Variants in TBXAS1 observed in about 807,000 individuals in gnomAD.
The protein encoded by TBXAS1 is thromboxane A synthase 1.
Under a neutral mutation model 60.7 loss-of-function variants are expected in TBXAS1, and 48 were observed. The ratio of observed to expected loss-of-function variants is 0.79; its 90% CI spans 0.63 to 1.01. The LOEUF (loss-of-function observed/expected upper bound fraction) is 1.01. Among genes scored for constraint, TBXAS1 ranks in the 50% least tolerant of loss-of-function variants. The pLI is 0.00. For missense variants in TBXAS1, 685 were observed against 686.3 expected (o/e 1.00, Z 0.02); for synonymous variants, 287 against 269.7 (o/e 1.06, Z -0.63).
At chr7:139,831,175 G>C (rs1358316178) in intron 1 of TBXAS1, among the ~76,000 whole-genome samples, 2 of 152,148 alleles carry the variant, frequency 1.3e-5, no homozygotes, top group Non-Finnish European at 2.9e-5. Context: ...TCTGGAGAAG[G>C]TGCCCAAGGC....
At chr7:139,784,017 T>G (rs1014123718) in intron 3 of TBXAS1, among the ~76,000 whole-genome samples, 12 of 151,448 alleles carry the variant, frequency 7.9e-5, no homozygotes, top group Non-Finnish European at 1.3e-4. Context: ...TTTTGTTTTT[T>G]TTTTTTTTGT....
intron 1 of TBXAS1, among the ~76,000 whole-genome samples, chr7:139,865,731 A>AGAG (rs1279816583): frequency 2.5e-5 from 1 of 40,152 alleles, no homozygotes; most frequent in South Asian, 8.5e-4. Context: ...AGGAGGAGGA[A>AGAG]GAGGAGGAGG....
At position 140,016,140 on chromosome 7, in the gene TBXAS1, A is replaced by G. The variant is rs374672161; in HGVS notation, c.1364+280A>G. 7.2e-5 allele frequency among the ~76,000 whole-genome samples: 11 copies of G among 152,180 alleles called. No homozygotes were observed. The East Asian group carries it at 9.7e-4, about 13-fold the overall frequency. The stretch of plus-strand genomic sequence containing the variant: ...TCAGGAGATCGAGACCATCCTGGCT[A>G]ACACGGTGAAACCCCATCTCTACTA... On this transcript the variant is annotated intron_variant, in intron 11 of 12. Coordinates refer to ENST00000448866, the MANE Select transcript of TBXAS1 (RefSeq NM_001061.7).
At chr7:139,934,689 G>A (rs898658845) in intron 4 of TBXAS1, among the ~76,000 whole-genome samples, 1 of 152,194 alleles carries the variant, frequency 6.6e-6, no homozygotes, top group African/African-American at 2.4e-5. Flanking sequence ...GCTTGTGCAT[G>A]GCTGTCTTCT....
intron 1 of TBXAS1, 113 bp downstream of exon 1, chr7:139,829,592 C>T (rs139547778): frequency 4.5e-5 from 44 of 969,832 alleles, no homozygotes; most frequent in South Asian, 3.7e-4. Flanking sequence ...TCTAATCTAG[C>T]GGGAGTGAGT....
At chr7:139,942,391 C>G (rs1192481731) in intron 5 of TBXAS1, among the ~76,000 whole-genome samples, 1 of 152,212 alleles carries the variant, frequency 6.6e-6, no homozygotes, top group East Asian at 1.9e-4. Context: ...TGTTAACTTC[C>G]TGGTTGGCTA....
intron 1 of TBXAS1, among the ~76,000 whole-genome samples, chr7:139,840,890 C>A (rs1799392252): frequency 6.6e-6 from 1 of 152,224 alleles, no homozygotes; most frequent in Non-Finnish European, 1.5e-5. Context: ...GCCACAAAAG[C>A]CCTTGCTGCC....
intron 10 of TBXAS1, among the ~76,000 whole-genome samples, chr7:140,008,152 A>C (rs116186777): frequency 0.011 from 1,626 of 152,376 alleles, 37 homozygotes; most frequent in African/African-American, 0.036. Flanking sequence ...CAATATGTGG[A>C]TGATTTGAGG....
intron 4 of TBXAS1, among the ~76,000 whole-genome samples, chr7:139,801,423 T>G (rs532625903): frequency 2.6e-4 from 40 of 152,286 alleles, no homozygotes; most frequent in Admixed American, 7.2e-4. Flanking sequence ...CTATCACCTG[T>G]CTTTCTATGT....
intron 5 of TBXAS1, among the ~76,000 whole-genome samples, chr7:139,944,091 A>C (rs2284210): frequency 0.68 from 103,410 of 152,040 alleles, 35,381 homozygotes; most frequent in East Asian, 0.74. Context: ...AAGAGAAACA[A>C]GGTACATAAA....
intron 4 of TBXAS1, among the ~76,000 whole-genome samples, chr7:139,935,780 C>G (rs576589100): frequency 1.6e-4 from 25 of 151,862 alleles, no homozygotes; most frequent in African/African-American, 6.1e-4. Context: ...CTAACCAATC[C>G]AGTCACACAA....
At chr7:140,016,124 C>T (rs12703491) in intron 11 of TBXAS1, among the ~76,000 whole-genome samples, 44 of 152,014 alleles carry the variant, frequency 2.9e-4, no homozygotes, top group East Asian at 3.9e-4. Flanking sequence ...GTCAGGAGAT[C>T]GAGACCATCC....
intron 11 of TBXAS1, among the ~76,000 whole-genome samples, chr7:140,016,136 G>A (rs1041951509): frequency 9.9e-5 from 15 of 152,140 alleles, no homozygotes; most frequent in East Asian, 3.9e-4. Flanking sequence ...AGACCATCCT[G>A]GCTAACACGG....
rs1360638626 is a variant in TBXAS1 at position 140,013,912 on chromosome 7, C to A, written c.1227-1811C>A. On this transcript the variant is annotated intron_variant, in intron 10 of 12. Transcript: ENST00000448866. The surrounding 1 kb of genome is among the most constrained non-coding windows in gnomAD (Gnocchi z 4.2). ...TTCCTGGCTTCTGATCTGCTGCCGT[C>A]CCCGATTCATGGCCTCACTTCACCC... Among the ~76,000 whole-genome samples, 3 of 152,216 alleles carry A rather than the reference C, an allele frequency of 2.0e-5. No homozygotes were observed. Among genetic ancestry groups the A allele is most frequent in the East Asian group, 1.9e-4 (1 of 5,198 alleles).
intron 3 of TBXAS1, among the ~76,000 whole-genome samples, chr7:139,881,210 A>G (rs1802663659): frequency 1.3e-5 from 2 of 152,098 alleles, no homozygotes; most frequent in Admixed American, 6.6e-5. Context: ...CCTCTTTATC[A>G]TTGTCTTTGA....
At chr7:139,959,007 TCACACACA>T (rs8192836) in intron 8 of TBXAS1, among the ~76,000 whole-genome samples, 18 of 149,830 alleles carry the variant, frequency 1.2e-4, no homozygotes, top group South Asian at 2.1e-4. Context: ...TTGAGAGTGT[TCACACACA>T]CACACACACA....
chr7:139,928,183 A>G (rs893087513), intron 4 of TBXAS1, among the ~76,000 whole-genome samples: 2 of 152,180 alleles, frequency 1.3e-5, no homozygotes, highest in Non-Finnish European at 2.9e-5. Flanking sequence ...GTTCACTGAA[A>G]GTTGTTATTA....
intron 5 of TBXAS1, among the ~76,000 whole-genome samples, chr7:139,948,851 C>T (rs1259586199): frequency 1.3e-5 from 2 of 152,122 alleles, no homozygotes; most frequent in Non-Finnish European, 2.9e-5. Flanking sequence ...GTAAATATTC[C>T]GTAACTGCTG....
At chr7:139,854,718 G>T (rs1186027882) in intron 1 of TBXAS1, among the ~76,000 whole-genome samples, 1 of 152,210 alleles carries the variant, frequency 6.6e-6, no homozygotes, top group Non-Finnish European at 1.5e-5. Context: ...CCCAAAGATA[G>T]CATGAAGTTT....
Sources: allele counts gnomAD v4.1 joint callset (sites outside exome capture counted in the v4.1 genomes callset), GRCh38; gene constraint gnomAD v4.1.1; non-coding constraint Gnocchi (gnomAD v3.1); transcripts MANE v1.5; gene names NCBI Gene and HGNC (gene_info 2026-07-23, HGNC 2026-07-21).